IGLL5: variants seen among roughly 807,000 people sequenced by gnomAD.
IGLL5 encodes the protein immunoglobulin lambda-like polypeptide 5.
Under a neutral mutation model 20.9 loss-of-function variants are expected in IGLL5, and 30 were observed. The observed-to-expected ratio is 1.44, with a 90% confidence interval of 1.07 to 1.95. The LOEUF (loss-of-function observed/expected upper bound fraction) is 1.95, where lower values mean the gene tolerates loss of function less well. Among genes scored for constraint, IGLL5 ranks in the 30% most tolerant of loss-of-function variants. IGLL5 has a pLI of 0.00. For synonymous variants in IGLL5, 203 were observed against 117.3 expected (o/e 1.73, Z -4.72); for missense variants, 475 against 270.7 (o/e 1.75, Z -5.30).
chr22:22,894,475 C>T (rs2068036407), intron 2 of IGLL5, among the ~76,000 whole-genome samples: 1 of 151,440 alleles, frequency 6.6e-6, no homozygotes, highest in East Asian at 2.0e-4. Context: ...AGAAAGGAGA[C>T]AGTCTCTTAG....
rs2067551117 is a variant in IGLL5 at position 22,887,842 on chromosome 22, T to A, written c.-212T>A. 2 of 606,882 alleles carry A rather than the reference T, an allele frequency of 3.3e-6. No homozygotes were observed. The highest frequency in any genetic ancestry group is 2.9e-5 in the Admixed American group (1 of 34,560). The allele number at this position is 606,882 out of a possible 1,614,324, so 37.6% of individuals were successfully genotyped here. On this transcript the variant is annotated 5_prime_UTR_variant, in exon 1 of 3. An upstream start codon of the reference 5' UTR is lost. Coordinates refer to ENST00000526893, the MANE Select transcript of IGLL5 (RefSeq NM_001178126.2). ...TGACCGCTTCAGGGCAGTTGGTAGA[T>A]GCCCCTCTGGGAGAGATCCCCAGGG...
intron 1 of IGLL5, among the ~76,000 whole-genome samples, chr22:22,888,465 T>G (rs183556034): frequency 1.3e-5 from 2 of 151,378 alleles, no homozygotes; most frequent in South Asian, 2.1e-4. Flanking sequence ...TACGATATTA[T>G]TTTTCTTGAT....
chr22:22,893,980 A>T (rs547724941), intron 2 of IGLL5, among the ~76,000 whole-genome samples, 162 bp downstream of exon 2: 2 of 151,140 alleles, frequency 1.3e-5, no homozygotes, highest in East Asian at 2.0e-4. Context: ...TCTCCGGGTA[A>T]CCGGCAGGAA....
At chr22:22,888,886 C>T (rs540000424) in intron 1 of IGLL5, among the ~76,000 whole-genome samples, 5 of 151,306 alleles carry the variant, frequency 3.3e-5, no homozygotes, top group South Asian at 4.2e-4. Context: ...TGGGATGATG[C>T]CCAGGCTGGT....
intron 1 of IGLL5, among the ~76,000 whole-genome samples, chr22:22,889,237 C>A (rs559117505): frequency 6.6e-6 from 1 of 150,954 alleles, no homozygotes; most frequent in Admixed American, 6.7e-5. Context: ...GGGGAGGACA[C>A]TCAGATTCAG....
intron 1 of IGLL5, among the ~76,000 whole-genome samples, chr22:22,889,019 G>T (rs548389739): frequency 6.6e-6 from 1 of 151,302 alleles, no homozygotes; most frequent in African/African-American, 2.4e-5. Context: ...GAGGCAAGAA[G>T]ACCATAGGGT....
At chr22:22,894,253 G>C (rs1345981776) in intron 2 of IGLL5, among the ~76,000 whole-genome samples, 8 of 151,116 alleles carry the variant, frequency 5.3e-5, no homozygotes, top group South Asian at 4.2e-4. Context: ...GAGGGTCTAG[G>C]CTGAGGACTG....
intron 1 of IGLL5, among the ~76,000 whole-genome samples, chr22:22,889,449 G>A (rs566203064): frequency 6.6e-6 from 1 of 151,284 alleles, no homozygotes; most frequent in East Asian, 2.0e-4. Context: ...CTAAGGGTTG[G>A]TTGGGGGAAT....
At position 22,887,836 on chromosome 22, in the gene IGLL5, G is replaced by A. The variant is rs2067550838; in HGVS notation, c.-218G>A. ...GGATTGTGACCGCTTCAGGGCAGTTGGTAGATGCCCCTCTGGGAGAGATCC... is the reference window on the plus strand; with the variant it reads ...GGATTGTGACCGCTTCAGGGCAGTTAGTAGATGCCCCTCTGGGAGAGATCC... On this transcript the variant is annotated 5_prime_UTR_variant, in exon 1 of 3. Coordinates refer to ENST00000526893, the MANE Select transcript of IGLL5 (RefSeq NM_001178126.2). The A allele has an allele frequency of 3.3e-6, 2 of 604,748 alleles. No homozygotes were observed. Among genetic ancestry groups the A allele is most frequent in the Non-Finnish European group, 5.9e-6 (2 of 338,078 alleles). 37.5% of individuals were successfully genotyped at this position (604,748 alleles called of 1,614,324 possible). A position where few individuals can be genotyped will look rare whatever the true frequency, so the allele number is the denominator to read the frequency against.
intron 2 of IGLL5, 60 bp downstream of exon 2, chr22:22,893,878 T>G (rs1434347295): frequency 3.4e-6 from 4 of 1,190,180 alleles, no homozygotes; most frequent in Admixed American, 1.7e-5. Flanking sequence ...GGAAAATCTG[T>G]TTTCTCTCTC....
chr22:22,894,038 G>C (rs564611185), intron 2 of IGLL5, among the ~76,000 whole-genome samples: 2 of 151,520 alleles, frequency 1.3e-5, no homozygotes, highest in East Asian at 2.0e-4. Context: ...CCCGGGGCCT[G>C]AGCTGGGATT....
intron 1 of IGLL5, 107 bp from the exon 2 acceptor site, chr22:22,893,593 G>A (rs2067915442): frequency 6.1e-6 from 4 of 654,334 alleles, no homozygotes; most frequent in East Asian, 5.5e-5. Flanking sequence ...ACTTGCCTTG[G>A]ACAGCAGACA....
chr22:22,893,938 T>C (rs1475243492), intron 2 of IGLL5, 120 bp downstream of exon 2: 10 of 767,242 alleles, frequency 1.3e-5, no homozygotes, highest in East Asian at 2.5e-5. Context: ...GACCCTTACC[T>C]TTCTCCATGG....
intron 2 of IGLL5, among the ~76,000 whole-genome samples, chr22:22,894,041 CTGGG>C: frequency 6.6e-6 from 1 of 150,426 alleles, no homozygotes; most frequent in Middle Eastern, 3.8e-3. Context: ...GGGGCCTGAG[CTGGG>C]ATTGGGCAGG....
At position 22,888,756 on chromosome 22, in the gene IGLL5, C is replaced by T. The variant is rs111885618; in HGVS notation, c.206+497C>T. 2.1e-4 allele frequency among the ~76,000 whole-genome samples: 31 copies of T among 151,190 alleles called. 1 individual carries two copies. Among genetic ancestry groups the T allele is most frequent in the South Asian group, 8.5e-4 (4 of 4,716 alleles). On this transcript the variant is annotated intron_variant, in intron 1 of 2. Coordinates refer to ENST00000526893, the MANE Select transcript of IGLL5 (RefSeq NM_001178126.2). ...CTGTTCACCAACTTGCACATAAATG[C>T]TTACTGGGGCCAGGCTCAAGGACAC...
At position 22,890,175 on chromosome 22, in the gene IGLL5, AAAG is replaced by A. The variant is rs202072946; in HGVS notation, c.206+1918_206+1920del. ...ACTCTTTTTTCTTGCCAAAAAAAAAAAAGATTAAGCAGAGAAGTATATAAAGTA... is the reference window on the plus strand; with the variant it reads ...ACTCTTTTTTCTTGCCAAAAAAAAAAATTAAGCAGAGAAGTATATAAAGTA... On this transcript the variant is annotated intron_variant, in intron 1 of 2. Coordinates refer to ENST00000526893, the MANE Select transcript of IGLL5 (RefSeq NM_001178126.2). Among the ~76,000 whole-genome samples, 790 of 150,542 alleles carry A rather than the reference AAAG, an allele frequency of 5.2e-3. 10 individuals carry two copies. Among genetic ancestry groups the A allele is most frequent in the African/African-American group, 0.018 (737 of 40,968 alleles).
chr22:22,888,777 G>A (rs2067645412), intron 1 of IGLL5, among the ~76,000 whole-genome samples: 1 of 151,476 alleles, frequency 6.6e-6, no homozygotes, highest in East Asian at 2.0e-4. Context: ...CAGGCTCAAG[G>A]ACACAGGGAG....
chr22:22,894,074 T>G (rs1363302205), intron 2 of IGLL5, among the ~76,000 whole-genome samples: 1 of 151,400 alleles, frequency 6.6e-6, no homozygotes, highest in East Asian at 2.0e-4. Context: ...TCCTCCTCTC[T>G]TCCAGGGCAG....
rs542690694 is a variant in IGLL5 at position 22,888,085 on chromosome 22, A to C, written c.32A>C (p.Glu11Ala). ...CCCAAGACAGGCCAAGTGGGTTGTGAGACCCCTGAGGAGCTGGGCCCTGGT... is the reference window on the plus strand; with the variant it reads ...CCCAAGACAGGCCAAGTGGGTTGTGCGACCCCTGAGGAGCTGGGCCCTGGT... MRPKTGQVGC[E>A]TPEELGPGPR... Residue 11 changes from glutamate to alanine, a missense_variant, in exon 1 of 3, where the codon GAG becomes GCG. Coordinates refer to ENST00000526893, the MANE Select transcript of IGLL5 (RefSeq NM_001178126.2). 3 of 1,549,256 alleles carry C rather than the reference A, an allele frequency of 1.9e-6. No homozygotes were observed. Among genetic ancestry groups the C allele is most frequent in the East Asian group, 2.5e-5 (1 of 40,662 alleles).
Sources: allele counts gnomAD v4.1 joint callset (sites outside exome capture counted in the v4.1 genomes callset), GRCh38; gene constraint gnomAD v4.1.1; transcripts MANE v1.5; gene names NCBI Gene and HGNC (gene_info 2026-07-23, HGNC 2026-07-21).